Variants in TAFA4 observed in about 807,000 individuals in gnomAD.
TAFA4 encodes TAFA chemokine like family member 4.
Under a neutral mutation model 21.1 loss-of-function variants are expected in TAFA4, and 20 were observed. That is an observed-to-expected ratio of 0.95 (90% CI 0.67 to 1.38). TAFA4 has a LOEUF of 1.38. Ranked by LOEUF, TAFA4 falls within the 40% of genes most tolerant of loss-of-function variation. The probability of loss-of-function intolerance (pLI) is 0.00; values close to 1 mark genes in which losing one functional copy is unlikely to be tolerated. For missense variants in TAFA4, 211 were observed against 180.9 expected (o/e 1.17, Z -0.95); for synonymous variants, 71 against 67.4 (o/e 1.05, Z -0.26).
chr3:68,848,610 G>C (rs1215000097), intron 3 of TAFA4, among the ~76,000 whole-genome samples: 1 of 152,124 alleles, frequency 6.6e-6, no homozygotes, highest in African/African-American at 2.4e-5. Context: ...GGTATAAATG[G>C]ACAAGCATAT....
At chr3:68,814,245 G>C (rs890465465) in intron 3 of TAFA4, among the ~76,000 whole-genome samples, 2 of 152,142 alleles carry the variant, frequency 1.3e-5, no homozygotes, top group Admixed American at 6.6e-5. Flanking sequence ...CATTCCCTTT[G>C]AAAACTGGTA....
At chr3:68,848,712 C>T (rs962606903) in intron 3 of TAFA4, among the ~76,000 whole-genome samples, 5 of 152,124 alleles carry the variant, frequency 3.3e-5, no homozygotes, top group African/African-American at 1.2e-4. Flanking sequence ...TTTCTGTTGC[C>T]AACTCCAGAG....
intron 3 of TAFA4, among the ~76,000 whole-genome samples, chr3:68,797,612 C>CAAAA (rs71112671): frequency 9.2e-5 from 7 of 75,944 alleles, no homozygotes; most frequent in East Asian, 4.0e-4. Flanking sequence ...GACTCCATCT[C>CAAAA]AAAAAAAAAA....
At chr3:68,792,197 T>C (rs909520572) in intron 3 of TAFA4, among the ~76,000 whole-genome samples, 1 of 152,226 alleles carries the variant, frequency 6.6e-6, no homozygotes, top group Non-Finnish European at 1.5e-5. Context: ...AAGTATTACT[T>C]ATCAAGAATA....
intron 3 of TAFA4, among the ~76,000 whole-genome samples, chr3:68,783,724 A>AG (rs1703196252): frequency 6.7e-6 from 1 of 149,880 alleles, no homozygotes; most frequent in Admixed American, 6.6e-5. Flanking sequence ...AAAGAAAGAA[A>AG]GAAAGAAAGA....
intron 3 of TAFA4, among the ~76,000 whole-genome samples, chr3:68,878,767 A>G (rs572906917): frequency 6.6e-6 from 1 of 152,168 alleles, no homozygotes; most frequent in South Asian, 2.1e-4. Flanking sequence ...TGCGTTTTTT[A>G]GTTGCTTAAA....
intron 3 of TAFA4, among the ~76,000 whole-genome samples, chr3:68,869,436 T>A (rs1444924841): frequency 6.6e-6 from 1 of 152,066 alleles, no homozygotes; most frequent in African/African-American, 2.4e-5. Flanking sequence ...ATATCCCTGA[T>A]GAACACAGAT....
chr3:68,782,852 C>T (rs1703177372), intron 3 of TAFA4, among the ~76,000 whole-genome samples: 1 of 152,122 alleles, frequency 6.6e-6, no homozygotes, highest in Non-Finnish European at 1.5e-5. Flanking sequence ...TGTGAATGTA[C>T]TAAGTACCAC....
At chr3:68,846,135 T>C (rs1575638108) in intron 3 of TAFA4, among the ~76,000 whole-genome samples, 1 of 152,140 alleles carries the variant, frequency 6.6e-6, no homozygotes, top group South Asian at 2.1e-4. Context: ...ATTCACCCTG[T>C]CACTTTCAGG....
intron 3 of TAFA4, among the ~76,000 whole-genome samples, chr3:68,835,289 T>C (rs1294552223): frequency 6.6e-6 from 1 of 152,240 alleles, no homozygotes; most frequent in Admixed American, 6.5e-5. Context: ...CTAATCACCA[T>C]CTGACATTTA....
intron 2 of TAFA4, chr3:68,883,186 C>T (rs1194931725): frequency 3.3e-5 from 5 of 152,300 alleles, no homozygotes; most frequent in African/African-American, 1.2e-4. Flanking sequence ...GGAGGCTCAA[C>T]TGGGGAAGGA....
intron 3 of TAFA4, among the ~76,000 whole-genome samples, chr3:68,845,966 C>T (rs1292107514): frequency 6.6e-6 from 1 of 152,176 alleles, no homozygotes; most frequent in African/African-American, 2.4e-5. Context: ...TTCATTTCAA[C>T]CTTGGTCAAT....
chr3:68,832,920 C>A (rs1037499517), intron 3 of TAFA4, among the ~76,000 whole-genome samples: 1 of 152,220 alleles, frequency 6.6e-6, no homozygotes, highest in Non-Finnish European at 1.5e-5. Context: ...GGGTGGACGC[C>A]CCTTCCCCCG....
At chr3:68,923,545 G>A (rs915680979) in intron 1 of TAFA4, among the ~76,000 whole-genome samples, 10 of 152,054 alleles carry the variant, frequency 6.6e-5, no homozygotes, top group Admixed American at 6.6e-4. Flanking sequence ...AAAAAACCAT[G>A]GGCTGCATGA....
intron 3 of TAFA4, among the ~76,000 whole-genome samples, chr3:68,790,182 G>C (rs1056260137): frequency 6.3e-5 from 9 of 142,826 alleles, no homozygotes; most frequent in Admixed American, 5.5e-4. Flanking sequence ...TGCTTGTGAG[G>C]CTTCTACGTT....
rs763133092 is a variant in TAFA4, at chr3:68,752,919, G to A, written c.230C>T (p.Ser77Phe). The A allele has an allele frequency of 1.1e-5, 18 of 1,614,104 alleles. No individual in the cohort carries two copies. The highest frequency in any genetic ancestry group is 1.5e-5 in the Non-Finnish European group (18 of 1,180,038). The change falls in exon 4 of 6, where the codon TCT becomes TTT. Residue 77 changes from serine to phenylalanine, a missense_variant. Coordinates refer to ENST00000295569, the MANE Select transcript of TAFA4 (RefSeq NM_182522.5). ...IEERSQTVKC[S>F]CFPGQVAGTT... ...GCCCGCCACCTGTCCCGGGAAGCAAGAGCACTTGACCGTTTGTGACCGCTC... is the reference window on the plus strand; with the variant it reads ...GCCCGCCACCTGTCCCGGGAAGCAAAAGCACTTGACCGTTTGTGACCGCTC...
chr3:68,796,881 A>G (rs1703462345), intron 3 of TAFA4, among the ~76,000 whole-genome samples: 2 of 152,214 alleles, frequency 1.3e-5, no homozygotes, highest in Non-Finnish European at 2.9e-5. Flanking sequence ...ATATGAAAAG[A>G]TGCTCAACAT....
intron 3 of TAFA4, among the ~76,000 whole-genome samples, chr3:68,871,296 T>C (rs1273801774): frequency 1.3e-5 from 2 of 152,062 alleles, no homozygotes; most frequent in Non-Finnish European, 2.9e-5. Flanking sequence ...CCAACTCATT[T>C]TTGACAAAGA....
rs535975943 is a variant in TAFA4 at position 68,814,323 on chromosome 3, C to T, written c.131-61305G>A. 4.6e-5 allele frequency among the ~76,000 whole-genome samples: 7 copies of T among 152,244 alleles called. No individual in the cohort carries two copies. The South Asian group carries it at 1.2e-3, about 27-fold the overall frequency. On this transcript the variant is annotated intron_variant, in intron 3 of 5. Coordinates refer to ENST00000295569, the MANE Select transcript of TAFA4 (RefSeq NM_182522.5). ...TGTTGGAAGTTCTGGCCAGGGCAAT[C>T]AGGCAGGAGAAGGAAATAAAGGGTA...
Sources: allele counts gnomAD v4.1 joint callset (sites outside exome capture counted in the v4.1 genomes callset), GRCh38; gene constraint gnomAD v4.1.1; transcripts MANE v1.5; gene names NCBI Gene and HGNC (gene_info 2026-07-23, HGNC 2026-07-21).